The following SASH1 variants were observed in gnomAD, a reference collection of about 807,000 sequenced individuals.
SASH1 encodes the protein SAM and SH3 domain-containing protein 1.
A neutral mutation model predicts 125.2 loss-of-function variants in SASH1; 44 were observed. That is an observed-to-expected ratio of 0.35 (90% CI 0.28 to 0.45). The LOEUF (loss-of-function observed/expected upper bound fraction) is 0.45, where lower values mean the gene tolerates loss of function less well. Ranked by LOEUF, SASH1 falls within the 20% of genes least tolerant of loss-of-function variation. The pLI is 1.00. For missense variants in SASH1, 1,426 were observed against 1,614.5 expected (o/e 0.88, Z 2.00); for synonymous variants, 639 against 649.1 (o/e 0.98, Z 0.24).
chr6:148,465,569 C>T (rs1356862855), intron 4 of SASH1, among the ~76,000 whole-genome samples: 2 of 149,236 alleles, frequency 1.3e-5, no homozygotes, highest in African/African-American at 4.9e-5. Context: ...AAAAAAAAGA[C>T]ATCCCTAGTC....
intron 16 of SASH1, among the ~76,000 whole-genome samples, chr6:148,539,764 A>G (rs1782105460): frequency 6.6e-6 from 1 of 152,190 alleles, no homozygotes; most frequent in Non-Finnish European, 1.5e-5. Context: ...GCAGAAAAGA[A>G]AAAACAACCT....
the SASH1 span, among the ~76,000 whole-genome samples, chr6:148,218,227 GA>G: frequency 1.1e-3 from 161 of 146,200 alleles, no homozygotes; most frequent in Non-Finnish European, 2.0e-3. Flanking sequence ...GAAATGAAAT[GA>G]AAAAAAAATA....
chr6:148,366,595 T>TTTTG (rs943961657), intron 1 of SASH1, among the ~76,000 whole-genome samples: 18 of 152,074 alleles, frequency 1.2e-4, no homozygotes, highest in African/African-American at 3.6e-4. Flanking sequence ...ATTCCATTTG[T>TTTTG]TTTGTTTGTT....
At chr6:148,480,827 T>C (rs1214836077) in intron 7 of SASH1, 2 of 152,284 alleles carry the variant, frequency 1.3e-5, no homozygotes, top group African/African-American at 4.8e-5. Context: ...TGGAAAAGAA[T>C]GAAATTTACA....
At chr6:148,526,475 C>T (rs558068593) in intron 11 of SASH1, among the ~76,000 whole-genome samples, 4 of 152,218 alleles carry the variant, frequency 2.6e-5, no homozygotes, top group African/African-American at 9.6e-5. Flanking sequence ...AAATACCCAC[C>T]TGGGATATAT....
intron 1 of SASH1, among the ~76,000 whole-genome samples, chr6:148,305,378 C>T (rs560729553): frequency 1.4e-4 from 22 of 152,212 alleles, no homozygotes; most frequent in African/African-American, 4.8e-4. Flanking sequence ...GAAACCGAGG[C>T]GGGGGGATCA....
the SASH1 span, among the ~76,000 whole-genome samples, chr6:148,240,281 T>C: frequency 6.6e-6 from 1 of 152,122 alleles, no homozygotes; most frequent in Non-Finnish European, 1.5e-5. Context: ...GGCCCGAGGT[T>C]GCACTGCAGT....
At chr6:148,252,291 A>G in the SASH1 span, among the ~76,000 whole-genome samples, 2 of 152,182 alleles carry the variant, frequency 1.3e-5, no homozygotes, top group South Asian at 2.1e-4. Context: ...GCATTAGATA[A>G]TCGAAAATAA....
chr6:148,463,692 CACA>C lies in SASH1; in HGVS notation c.387-4852_387-4850del, dbSNP rs1312521201. Among the ~76,000 whole-genome samples the C allele has an allele frequency of 8.9e-3, 1,362 of 152,278 alleles. 22 individuals are homozygous for C. Among genetic ancestry groups the C allele is most frequent in the African/African-American group, 0.031 (1,288 of 41,544 alleles). ...AAATTCTTATCTGCAGCTCTAGACT[CACA>C]TGTCCAACTGTTTCTTTACTGTCTG... On this transcript the variant is annotated intron_variant, in intron 4 of 19. Coordinates refer to ENST00000367467, the MANE Select transcript of SASH1 (RefSeq NM_015278.5).
chr6:148,416,814 G>A (rs1024742944), intron 2 of SASH1, among the ~76,000 whole-genome samples: 4 of 152,320 alleles, frequency 2.6e-5, no homozygotes, highest in Admixed American at 6.5e-5. Context: ...GCCACACAAG[G>A]CCAGTTATGG....
intron 1 of SASH1, among the ~76,000 whole-genome samples, chr6:148,289,946 CA>C (rs1039411959): frequency 2.2e-5 from 3 of 137,402 alleles, no homozygotes; most frequent in African/African-American, 8.0e-5. Flanking sequence ...CAGCTCACTA[CA>C]ACCTCTGCCT....
At chr6:148,486,637 C>G (rs895870740) in intron 7 of SASH1, among the ~76,000 whole-genome samples, 1 of 149,554 alleles carries the variant, frequency 6.7e-6, no homozygotes, top group Non-Finnish European at 1.5e-5. Context: ...GTTTCAGGGT[C>G]GGGTATGGTG....
chr6:148,466,750 T>TG (rs1777855259), intron 4 of SASH1, among the ~76,000 whole-genome samples: 1 of 152,210 alleles, frequency 6.6e-6, no homozygotes, highest in South Asian at 2.1e-4. Context: ...TTAGAAGTTT[T>TG]TTTTTTAAAG....
chr6:148,246,147 CT>C, the SASH1 span, among the ~76,000 whole-genome samples: 1 of 150,842 alleles, frequency 6.6e-6, no homozygotes, highest in Non-Finnish European at 1.5e-5. Context: ...TCTCTCTCCT[CT>C]CTCTCTCTCT....
At chr6:148,424,570 A>G (rs542294436) in intron 2 of SASH1, among the ~76,000 whole-genome samples, 3 of 152,212 alleles carry the variant, frequency 2.0e-5, no homozygotes, top group East Asian at 1.9e-4. Context: ...CCGTGGTGCA[A>G]TCATAACTCA....
At chr6:148,255,863 A>C in the SASH1 span, among the ~76,000 whole-genome samples, 1 of 152,020 alleles carries the variant, frequency 6.6e-6, no homozygotes, top group South Asian at 2.1e-4. Flanking sequence ...GCTAATCTCG[A>C]ACTCCTGGAC....
At chr6:148,486,818 G>A (rs1254510994) in intron 7 of SASH1, among the ~76,000 whole-genome samples, 5 of 147,844 alleles carry the variant, frequency 3.4e-5, no homozygotes, top group Admixed American at 1.4e-4. Flanking sequence ...CAAGCTACCC[G>A]GGATGCTGGG....
chr6:148,260,796 C>CTT, the SASH1 span, among the ~76,000 whole-genome samples: 5,777 of 103,482 alleles, frequency 0.056, 350 homozygotes, highest in African/African-American at 0.08. Flanking sequence ...CCTATAAGGG[C>CTT]TTTTTTTTTT....
At position 148,448,113 on chromosome 6, in the gene SASH1, A is replaced by AGTGTGTGT. The variant is rs113367122; in HGVS notation, c.386+7707_386+7708insTGTGTGTG. 7.0e-4 allele frequency among the ~76,000 whole-genome samples: 93 copies of AGTGTGTGT among 133,288 alleles called. No homozygotes were observed. In the East Asian group the frequency reaches 0.018, roughly 25 times the overall value. The allele number at this position is 133,288 out of a possible 152,430, so 87.4% of individuals were successfully genotyped here. A position where few individuals can be genotyped will look rare whatever the true frequency, so the allele number is the denominator to read the frequency against. ...CTCTCCTGCTTCTATTGCAGTGGAG[A>AGTGTGTGT]GAGTGTGTGTGTGTGTGTGTGTGTG... On this transcript the variant is annotated intron_variant, in intron 4 of 19. Transcript: ENST00000367467.
Sources: gnomAD v4.1 joint callset for allele counts (sites outside exome capture counted in the v4.1 genomes callset) on GRCh38, gnomAD v4.1.1 for gene constraint, MANE v1.5 for transcripts, NCBI Gene and HGNC (gene_info 2026-07-23, HGNC 2026-07-21) for gene names.